The following PCDHGA12 variants were observed in gnomAD, a reference collection of about 807,000 sequenced individuals.
PCDHGA12 encodes the protein protocadherin gamma subfamily A, 12.
PCDHGA12 carries 43 observed loss-of-function variants against 61.1 expected under a neutral mutation model. That is an observed-to-expected ratio of 0.70 (90% confidence interval 0.55 to 0.91). The LOEUF is 0.91. Among genes scored for constraint, PCDHGA12 ranks in the 40% least tolerant of loss-of-function variants. The probability of loss-of-function intolerance (pLI) is 0.00; values close to 1 mark genes in which losing one functional copy is unlikely to be tolerated. For missense variants in PCDHGA12, 1,236 were observed against 1,227.7 expected (o/e 1.01, Z -0.10); for synonymous variants, 520 against 542.9 (o/e 0.96, Z 0.59).
chr5:141,467,532 T>G (rs2099145568), intron 1 of PCDHGA12, among the ~76,000 whole-genome samples: 1 of 152,234 alleles, frequency 6.6e-6, no homozygotes, highest in Non-Finnish European at 1.5e-5. Flanking sequence ...TGTGCTGAGA[T>G]ATGGATCTGA....
At position 141,490,551 on chromosome 5, in the gene PCDHGA12, T is replaced by C; in HGVS notation, c.2425-4256T>C. On this transcript the variant is annotated intron_variant, in intron 1 of 3. Coordinates refer to ENST00000252085, the MANE Select transcript of PCDHGA12 (RefSeq NM_003735.3). The surrounding 1 kb of genome is among the most constrained non-coding windows in gnomAD (Gnocchi z 5.4). ...CTGGTTCACCTTCCCTACACAAACA[T>C]CTCACCATCAGGCTCAACATTTCAG... 1 of 1,614,088 alleles carries C rather than the reference T, an allele frequency of 6.2e-7. No individual in the cohort carries two copies. The highest frequency in any genetic ancestry group is 1.1e-5 in the South Asian group (1 of 91,086).
chr5:141,504,755 T>A (rs953075905), intron 2 of PCDHGA12, among the ~76,000 whole-genome samples: 13 of 151,824 alleles, frequency 8.6e-5, no homozygotes, highest in Non-Finnish European at 1.5e-5. Flanking sequence ...ATTTTAGAAA[T>A]TTCTTCTCCC....
Position 141,486,914 on chromosome 5 carries a change from C to T in PCDHGA12, c.2425-7893C>T, listed in dbSNP as rs1469857080. On this transcript the variant is annotated intron_variant, in intron 1 of 3. Coordinates refer to ENST00000252085, the MANE Select transcript of PCDHGA12 (RefSeq NM_003735.3). This position sits in a 1 kb window ranked among gnomAD's most constrained non-coding sequence, Gnocchi z 5.0. ...TGGTTCCTTATGTCCCCAAGCACTG[C>T]CTCCATCAGTTGGTGCTGGCCACCT... The T allele has an allele frequency of 6.2e-7, 1 of 1,614,236 alleles. No individual in the cohort carries two copies.
At chr5:141,444,672 A>G (rs990955921) in intron 1 of PCDHGA12, among the ~76,000 whole-genome samples, 2 of 152,086 alleles carry the variant, frequency 1.3e-5, no homozygotes, top group Non-Finnish European at 2.9e-5. Flanking sequence ...ATTTTTTTCA[A>G]TACCATTTAT....
At position 141,433,013 on chromosome 5, in the gene PCDHGA12, AC is replaced by A; in HGVS notation, c.2256del (p.Tyr753IlefsTer16). On this transcript the variant is annotated frameshift_variant, in exon 1 of 4. Transcript: ENST00000252085. LOFTEE classifies it high-confidence loss of function. ...GGACGGGGTGCAGGCTTTCCTGCAG[AC>A]CTATTCCCACGAGGTTTCCCTCACC... ...GVDGVQAFLQ[T>X]YSHEVSLTTD... The A allele has an allele frequency of 6.2e-7, 1 of 1,614,018 alleles. No homozygotes were observed. The highest frequency in any genetic ancestry group is 8.5e-7 in the Non-Finnish European group (1 of 1,180,006).
chr5:141,503,130 C>A (rs1406819266), intron 2 of PCDHGA12, among the ~76,000 whole-genome samples: 1 of 151,980 alleles, frequency 6.6e-6, no homozygotes, highest in Non-Finnish European at 1.5e-5. Context: ...CCTCTGGTAG[C>A]CCCTGACACA....
chr5:141,490,405 ATC>A lies in PCDHGA12; in HGVS notation c.2425-4397_2425-4396del, dbSNP rs765446736. 1 of 1,614,142 alleles carries A rather than the reference ATC, an allele frequency of 6.2e-7. No individual in the cohort carries two copies. The highest frequency in any genetic ancestry group is 8.5e-7 in the Non-Finnish European group (1 of 1,180,028). ...TAGAAATGGTGAAGTGAGCCTTGATATCTCTCCGGACCTGCCATTTCAGATTA... is the reference window on the plus strand; with the variant it reads ...TAGAAATGGTGAAGTGAGCCTTGATATCTCCGGACCTGCCATTTCAGATTA... On this transcript the variant is annotated intron_variant, in intron 1 of 3. Transcript: ENST00000252085. The surrounding 1 kb of genome is among the most constrained non-coding windows in gnomAD (Gnocchi z 5.4).
intron 1 of PCDHGA12, among the ~76,000 whole-genome samples, chr5:141,457,278 C>T (rs1446074161): frequency 6.6e-6 from 1 of 152,196 alleles, no homozygotes; most frequent in Non-Finnish European, 1.5e-5. Flanking sequence ...TGTGGGCCTA[C>T]GAAGTTCCTT....
chr5:141,450,776 C>G (rs757791026), intron 1 of PCDHGA12, among the ~76,000 whole-genome samples: 1 of 151,440 alleles, frequency 6.6e-6, no homozygotes, highest in Non-Finnish European at 1.5e-5. Flanking sequence ...CATGAGCCAC[C>G]GTGCCCGGAC....
chr5:141,471,564 T>C (rs1352708320), intron 1 of PCDHGA12: 1 of 152,184 alleles, frequency 6.6e-6, no homozygotes, highest in African/African-American at 2.4e-5. Context: ...GACTCAGGGG[T>C]AGCAGTAGAT....
At position 141,486,368 on chromosome 5, in the gene PCDHGA12, T is replaced by C. The variant is rs1217513529; in HGVS notation, c.2425-8439T>C. 6.2e-7 allele frequency: 1 copy of C among 1,614,014 alleles called. No homozygotes were observed. Among genetic ancestry groups the C allele is most frequent in the Non-Finnish European group, 8.5e-7 (1 of 1,180,000 alleles). On this transcript the variant is annotated intron_variant, in intron 1 of 3. Coordinates refer to ENST00000252085, the MANE Select transcript of PCDHGA12 (RefSeq NM_003735.3). This position sits in a 1 kb window ranked among gnomAD's most constrained non-coding sequence, Gnocchi z 5.0. ...TGACCACTTGCCATTTGCCCTCAAGTCTGCCTTCAGGAACCAGTTCTCCCT... is the reference window on the plus strand; with the variant it reads ...TGACCACTTGCCATTTGCCCTCAAGCCTGCCTTCAGGAACCAGTTCTCCCT...
Position 141,485,856 on chromosome 5 carries a change from T to C in PCDHGA12, c.2425-8951T>C. ...CCGCCGAGATCTGGCACCGCAGAGC[T>C]CCGGGTATCCGTGCTGGACGTAAAC... is the stretch of plus-strand genomic sequence containing the variant. On this transcript the variant is annotated intron_variant, in intron 1 of 3. Coordinates refer to ENST00000252085, the MANE Select transcript of PCDHGA12 (RefSeq NM_003735.3). The surrounding 1 kb of genome is among the most constrained non-coding windows in gnomAD (Gnocchi z 5.7). 1 of 1,614,108 alleles carries C rather than the reference T, an allele frequency of 6.2e-7. No individual in the cohort carries two copies. The highest frequency in any genetic ancestry group is 8.5e-7 in the Non-Finnish European group (1 of 1,180,014).
rs1358954122 is a variant in PCDHGA12, at chr5:141,491,553, C to T, written c.2425-3254C>T. On this transcript the variant is annotated intron_variant, in intron 1 of 3. Coordinates refer to ENST00000252085, the MANE Select transcript of PCDHGA12 (RefSeq NM_003735.3). This position sits in a 1 kb window ranked among gnomAD's most constrained non-coding sequence, Gnocchi z 6.9. ...CGCTGCGGCCCACAGACTCGCAGAG[C>T]CACTGCTACAGGACGTGCTTTTCAC... The T allele has an allele frequency of 6.2e-7, 1 of 1,613,954 alleles. No homozygotes were observed.
rs564439931 is a variant in PCDHGA12 at position 141,490,480 on chromosome 5, C to T, written c.2425-4327C>T. On this transcript the variant is annotated intron_variant, in intron 1 of 3. Coordinates refer to ENST00000252085, the MANE Select transcript of PCDHGA12 (RefSeq NM_003735.3). The surrounding 1 kb of genome is among the most constrained non-coding windows in gnomAD (Gnocchi z 5.4). ...GCTGCTAACCAGCCAGCCTTTGGAC[C>T]GGGAGGCCACATCCCACTATATCAT... The T allele has an allele frequency of 3.5e-5, 56 of 1,614,194 alleles. No individual in the cohort carries two copies. Among genetic ancestry groups the T allele is most frequent in the Admixed American group, 1.5e-4 (9 of 60,022 alleles).
chr5:141,464,773 C>G (rs576769467), intron 1 of PCDHGA12, among the ~76,000 whole-genome samples: 79 of 152,106 alleles, frequency 5.2e-4, no homozygotes, highest in African/African-American at 1.9e-3. Context: ...GAATCTTGTT[C>G]TGTTGCCCAG....
At chr5:141,459,945 G>T (rs113794146) in intron 1 of PCDHGA12, among the ~76,000 whole-genome samples, 54 of 152,164 alleles carry the variant, frequency 3.5e-4, no homozygotes, top group Middle Eastern at 3.2e-3. Flanking sequence ...GGGCGTGATG[G>T]CAGGTGCCTG....
chr5:141,466,195 C>G (rs1269214888), intron 1 of PCDHGA12, among the ~76,000 whole-genome samples: 1 of 151,748 alleles, frequency 6.6e-6, no homozygotes, highest in Non-Finnish European at 1.5e-5. Flanking sequence ...TTTTCAGACA[C>G]AGCCTTGCTC....
In PCDHGA12 at chr5:141,485,961, A is replaced by C. The variant is rs766687554; in HGVS notation, c.2425-8846A>C. ...GCACCAGCGGGCATGGTGCTCATCC[A>C]GCTCAATGCCTCAGACCCGGACCTG... On this transcript the variant is annotated intron_variant, in intron 1 of 3. Coordinates refer to ENST00000252085, the MANE Select transcript of PCDHGA12 (RefSeq NM_003735.3). The surrounding 1 kb of genome is among the most constrained non-coding windows in gnomAD (Gnocchi z 5.7). 6.2e-7 allele frequency: 1 copy of C among 1,614,204 alleles called. No homozygotes were observed. The highest frequency in any genetic ancestry group is 1.1e-5 in the South Asian group (1 of 91,090).
At chr5:141,510,682 GA>G (rs1303501817) in intron 3 of PCDHGA12, among the ~76,000 whole-genome samples, 6 of 152,154 alleles carry the variant, frequency 3.9e-5, no homozygotes, top group Non-Finnish European at 8.8e-5. Flanking sequence ...GTGGCATAAG[GA>G]GGTTAGGTAG....
Sources: allele counts gnomAD v4.1 joint callset (sites outside exome capture counted in the v4.1 genomes callset), GRCh38; gene constraint gnomAD v4.1.1; non-coding constraint Gnocchi (gnomAD v3.1); transcripts MANE v1.5; gene names NCBI Gene and HGNC (gene_info 2026-07-23, HGNC 2026-07-21).